Variants in PCP4L1 observed in about 807,000 individuals in gnomAD.
The protein encoded by PCP4L1 is Purkinje cell protein 4 like 1.
Under a neutral mutation model 9.6 loss-of-function variants are expected in PCP4L1, and 9 were observed. The ratio of observed to expected loss-of-function variants is 0.94; its 90% CI spans 0.57 to 1.64. PCP4L1 has a LOEUF of 1.64. Among genes scored for constraint, PCP4L1 ranks in the 40% most tolerant of loss-of-function variants. PCP4L1 has a pLI of 0.00. For synonymous variants in PCP4L1, 31 were observed against 28.2 expected, an observed-to-expected ratio of 1.10 and a Z score of -0.31; for missense variants, 81 against 80.8, an observed-to-expected ratio of 1.00 and a Z score of -0.01.
intron 2 of PCP4L1, among the ~76,000 whole-genome samples, chr1:161,283,926 C>T (rs768890979): frequency 5.9e-5 from 9 of 152,228 alleles, no homozygotes; most frequent in Non-Finnish European, 1.0e-4. Context: ...TCAGTATTTC[C>T]TCCTTGATTT....
At chr1:161,284,205 A>T (rs1464101285) in intron 2 of PCP4L1, 134 bp from the exon 3 acceptor site, 2 of 1,148,192 alleles carry the variant, frequency 1.7e-6, no homozygotes, top group Non-Finnish European at 2.5e-6. Flanking sequence ...TCAGGCATTC[A>T]TAATCCTAGC....
intron 1 of PCP4L1, among the ~76,000 whole-genome samples, chr1:161,282,744 C>G (rs879577412): frequency 2.1e-4 from 32 of 152,180 alleles, no homozygotes; most frequent in Non-Finnish European, 4.0e-4. Context: ...GAAACGGCAG[C>G]TCTATTTTTT....
rs758529583 is a variant in PCP4L1, at chr1:161,283,709, C to G, written c.51C>G (p.Gly17=). 6.2e-7 allele frequency: 1 copy of G among 1,606,170 alleles called. No homozygotes were observed. The highest frequency in any genetic ancestry group is 8.5e-7 in the Non-Finnish European group (1 of 1,176,016). Residue 17 remains glycine, a synonymous_variant, in exon 2 of 3, where the codon GGC becomes GGG. Transcript: ENST00000504449. ...CCCCAGCAACCAACCAGGCAGCTGGCCAAGAGGAAAAAGGTGAGTGGGGTT... is the reference window on the plus strand; with the variant it reads ...CCCCAGCAACCAACCAGGCAGCTGGGCAAGAGGAAAAAGGTGAGTGGGGTT... ...KTSPATNQAA[G]QEEKGKAGNV... is the part of the protein sequence containing the mutation.
At position 161,284,572 on chromosome 1, in the gene PCP4L1, G is replaced by C; in HGVS notation, c.*91G>C. The C allele has an allele frequency of 6.6e-7, 1 of 1,509,394 alleles. No homozygotes were observed. Among genetic ancestry groups the C allele is most frequent in the Non-Finnish European group, 8.9e-7 (1 of 1,122,588 alleles). 93.5% of individuals were successfully genotyped at this position (1,509,394 alleles called of 1,614,324 possible). On this transcript the variant is annotated 3_prime_UTR_variant, in exon 3 of 3. Transcript: ENST00000504449. The stretch of plus-strand genomic sequence containing the variant: ...TGTATCTTTATCCCTTGTCCCTCTA[G>C]CCTTTCCTTGAGGCAAGTTCAACCT...
intron 1 of PCP4L1, among the ~76,000 whole-genome samples, chr1:161,281,712 G>A (rs1342829080): frequency 6.8e-6 from 1 of 147,464 alleles, no homozygotes; most frequent in Middle Eastern, 3.3e-3. Context: ...TTCTCAGACG[G>A]GGCGGCCGGG....
At chr1:161,269,614 G>C (rs1339612969) in intron 1 of PCP4L1, among the ~76,000 whole-genome samples, 2 of 152,218 alleles carry the variant, frequency 1.3e-5, no homozygotes, top group African/African-American at 4.8e-5. Context: ...CATATGCCAA[G>C]GTCCTGAGGT....
chr1:161,267,995 G>GA (rs1370664961), intron 1 of PCP4L1, among the ~76,000 whole-genome samples: 6 of 152,200 alleles, frequency 3.9e-5, no homozygotes, highest in African/African-American at 1.2e-4. Flanking sequence ...TAACAGGCGT[G>GA]AGCCACCGCA....
Position 161,261,485 on chromosome 1 carries a change from G to A in PCP4L1, c.9+2502G>A, listed in dbSNP as rs1017592898. Among the ~76,000 whole-genome samples the A allele has an allele frequency of 3.9e-5, 6 of 152,310 alleles. No individual in the cohort carries two copies. The East Asian group carries it at 1.2e-3, about 29-fold the overall frequency. ...TTGTCTGCATTCACAGCTGCAGGCG[G>A]GACTTGATTGCTGTGGATCACACTC... On this transcript the variant is annotated intron_variant, in intron 1 of 2. Transcript: ENST00000504449.
chr1:161,282,621 A>G (rs920979413), intron 1 of PCP4L1, among the ~76,000 whole-genome samples: 11 of 152,236 alleles, frequency 7.2e-5, no homozygotes, highest in Non-Finnish European at 1.3e-4. Context: ...TGACTATTCA[A>G]CTGTTTATAA....
intron 1 of PCP4L1, among the ~76,000 whole-genome samples, chr1:161,281,182 C>G (rs952345978): frequency 1.3e-5 from 2 of 151,984 alleles, no homozygotes; most frequent in African/African-American, 4.8e-5. Flanking sequence ...CAACAGGATC[C>G]CAAGGCAGAA....
chr1:161,274,113 G>A (rs1246176272), intron 1 of PCP4L1, among the ~76,000 whole-genome samples: 2 of 152,104 alleles, frequency 1.3e-5, no homozygotes, highest in African/African-American at 4.8e-5. Flanking sequence ...ATCATTCAAC[G>A]TGTTAGTGTT....
chr1:161,281,555 C>T (rs566176238), intron 1 of PCP4L1, among the ~76,000 whole-genome samples: 1 of 148,778 alleles, frequency 6.7e-6, no homozygotes, highest in East Asian at 2.0e-4. Context: ...GCTGGCCGGG[C>T]GGGGGCTGAT....
intron 1 of PCP4L1, among the ~76,000 whole-genome samples, chr1:161,281,142 G>T (rs988620060): frequency 6.6e-6 from 1 of 152,094 alleles, no homozygotes; most frequent in Admixed American, 6.5e-5. Flanking sequence ...ATGTTTCAGA[G>T]AGCACAGGGT....
intron 1 of PCP4L1, among the ~76,000 whole-genome samples, chr1:161,262,172 C>T (rs4433413): frequency 0.14 from 21,067 of 152,006 alleles, 1,523 homozygotes; most frequent in Middle Eastern, 0.16. Context: ...CGGTGGCTCA[C>T]GCGTGTAATC....
In PCP4L1 at chr1:161,285,351, T is replaced by C. The variant is rs1669893292; in HGVS notation, c.*870T>C. ...CCTGTAGTTCCCATTTGCCCCACTA[T>C]GGAGTCAGGGCAAAAGTGGAATAGC... On this transcript the variant is annotated 3_prime_UTR_variant, in exon 3 of 3. Coordinates refer to ENST00000504449, the MANE Select transcript of PCP4L1 (RefSeq NM_001102566.2). 1 of 152,400 alleles carries C rather than the reference T, an allele frequency of 6.6e-6. No individual in the cohort carries two copies. Among genetic ancestry groups the C allele is most frequent in the Non-Finnish European group, 1.5e-5 (1 of 68,038 alleles). 9.4% of individuals were successfully genotyped at this position (152,400 alleles called of 1,614,324 possible). A position where few individuals can be genotyped will look rare whatever the true frequency, so the allele number is the denominator to read the frequency against.
chr1:161,259,016 G>A (rs374534992), intron 1 of PCP4L1, 33 bp downstream of exon 1: 6 of 1,527,110 alleles, frequency 3.9e-6, no homozygotes, highest in Non-Finnish European at 5.2e-6. Context: ...CTGTCGGCAG[G>A]GCTGCGGCGG....
At chr1:161,280,839 T>A (rs1475921255) in intron 1 of PCP4L1, among the ~76,000 whole-genome samples, 4 of 152,346 alleles carry the variant, frequency 2.6e-5, no homozygotes, top group East Asian at 1.9e-4. Flanking sequence ...TCTTTTTTTT[T>A]AATGTTATTT....
chr1:161,270,180 C>A (rs1181091861), intron 1 of PCP4L1, among the ~76,000 whole-genome samples: 1 of 151,706 alleles, frequency 6.6e-6, no homozygotes, highest in Non-Finnish European at 1.5e-5. Context: ...GCCTGTAATC[C>A]CGGCTACTCG....
chr1:161,271,258 G>A (rs940126942), intron 1 of PCP4L1, among the ~76,000 whole-genome samples: 18 of 152,034 alleles, frequency 1.2e-4, no homozygotes, highest in African/African-American at 4.3e-4. Context: ...ATAGGTATGT[G>A]GTGATATCTC....
Sources: allele counts gnomAD v4.1 joint callset (sites outside exome capture counted in the v4.1 genomes callset), GRCh38; gene constraint gnomAD v4.1.1; transcripts MANE v1.5; gene names NCBI Gene and HGNC (gene_info 2026-07-23, HGNC 2026-07-21).